EXT1: variants seen among roughly 807,000 people sequenced by gnomAD.
EXT1 encodes the protein exostosin glycosyltransferase 1.
In EXT1, 20 loss-of-function variants were observed where a neutral mutation model predicts 82.5. That is an observed-to-expected ratio of 0.24 (90% CI 0.17 to 0.35). EXT1 has a LOEUF of 0.35. EXT1 is among the 10% of genes least tolerant of loss of function. The probability of loss-of-function intolerance (pLI) is 1.00; values close to 1 mark genes in which losing one functional copy is unlikely to be tolerated. For synonymous variants in EXT1, 348 were observed against 350.8 expected, an observed-to-expected ratio of 0.99 and a Z score of 0.09; for missense variants, 757 against 936.5, an observed-to-expected ratio of 0.81 and a Z score of 2.50.
chr8:118,027,313 TCACACACACACACACA>T (rs71307421), intron 1 of EXT1, among the ~76,000 whole-genome samples: 39 of 145,520 alleles, frequency 2.7e-4, no homozygotes, highest in African/African-American at 5.8e-4. Context: ...TCAGTTTCTT[TCACACACACACACACA>T]CACACACACA....
chr8:117,852,368 G>A (rs1163971396), intron 1 of EXT1, among the ~76,000 whole-genome samples: 1 of 152,180 alleles, frequency 6.6e-6, no homozygotes, highest in South Asian at 2.1e-4. Context: ...TGGGGAGAGA[G>A]CTTTTATGTG....
intron 1 of EXT1, among the ~76,000 whole-genome samples, chr8:117,920,926 C>G (rs1813843073): frequency 6.6e-6 from 1 of 152,192 alleles, no homozygotes; most frequent in African/African-American, 2.4e-5. Context: ...GACTCCACCA[C>G]CAGCATGGAT....
At chr8:117,975,576 C>G (rs561400878) in intron 1 of EXT1, among the ~76,000 whole-genome samples, 1 of 152,188 alleles carries the variant, frequency 6.6e-6, no homozygotes, top group East Asian at 1.9e-4. Context: ...TTCTGATGCC[C>G]TCATTCATGC....
chr8:117,887,745 A>G (rs937017278), intron 1 of EXT1, among the ~76,000 whole-genome samples: 6 of 152,162 alleles, frequency 3.9e-5, no homozygotes, highest in Admixed American at 3.3e-4. Flanking sequence ...AAGGATTATT[A>G]TCAAGAAACT....
chr8:117,837,281 T>G (rs1306228879), intron 1 of EXT1, 80 bp from the exon 2 acceptor site: 4 of 1,185,934 alleles, frequency 3.4e-6, no homozygotes, highest in Admixed American at 3.4e-5. Context: ...GGCGCCCATG[T>G]GCATGAATTT....
intron 1 of EXT1, among the ~76,000 whole-genome samples, chr8:117,985,870 A>T (rs1815306348): frequency 6.6e-6 from 1 of 152,216 alleles, no homozygotes. Flanking sequence ...GTGACTCACA[A>T]ATCACTTTTC....
At chr8:117,982,312 C>A (rs1228819112) in intron 1 of EXT1, among the ~76,000 whole-genome samples, 9 of 152,180 alleles carry the variant, frequency 5.9e-5, no homozygotes, top group African/African-American at 1.7e-4. Context: ...AGGACACTTG[C>A]GTCCTTGCCT....
At chr8:118,033,098 T>C (rs986583472) in intron 1 of EXT1, among the ~76,000 whole-genome samples, 2 of 152,218 alleles carry the variant, frequency 1.3e-5, no homozygotes, top group Non-Finnish European at 2.9e-5. Context: ...GCTAAATATG[T>C]GCCCACTCCC....
intron 1 of EXT1, among the ~76,000 whole-genome samples, chr8:118,022,400 C>T (rs1422215403): frequency 7.8e-6 from 1 of 128,774 alleles, no homozygotes; most frequent in Non-Finnish European, 1.6e-5. Flanking sequence ...TGCAGTGGCA[C>T]GATCTCGGCT....
At chr8:118,071,812 AT>A (rs1226063751) in intron 1 of EXT1, among the ~76,000 whole-genome samples, 4 of 152,136 alleles carry the variant, frequency 2.6e-5, no homozygotes, top group Non-Finnish European at 5.9e-5. Flanking sequence ...TGATAATGAT[AT>A]TGTTATTTTT....
At chr8:117,820,853 G>A (rs964429592) in intron 5 of EXT1, among the ~76,000 whole-genome samples, 6 of 152,096 alleles carry the variant, frequency 3.9e-5, no homozygotes, top group East Asian at 1.9e-4. Context: ...TCTCTTCTTC[G>A]TGTAGCAGTG....
At chr8:117,928,188 G>C (rs1159175093) in intron 1 of EXT1, among the ~76,000 whole-genome samples, 1 of 152,122 alleles carries the variant, frequency 6.6e-6, no homozygotes, top group African/African-American at 2.4e-5. Flanking sequence ...AGGACATTTG[G>C]GTGACTCACC....
At chr8:117,867,089 T>C (rs1354732820) in intron 1 of EXT1, among the ~76,000 whole-genome samples, 2 of 151,982 alleles carry the variant, frequency 1.3e-5, no homozygotes, top group South Asian at 2.1e-4. Context: ...TGAAACCTCG[T>C]CTCTACTAAA....
intron 1 of EXT1, among the ~76,000 whole-genome samples, chr8:117,877,268 A>C (rs1812987308): frequency 1.3e-5 from 2 of 152,214 alleles, no homozygotes; most frequent in African/African-American, 2.4e-5. Flanking sequence ...ATGAGGAACC[A>C]GATGTAGGCT....
At chr8:118,082,687 G>A (rs1413053058) in intron 1 of EXT1, among the ~76,000 whole-genome samples, 6 of 152,144 alleles carry the variant, frequency 3.9e-5, no homozygotes, top group Non-Finnish European at 8.8e-5. Context: ...CAAACTTACA[G>A]GTAATGCAAC....
chr8:117,870,237 T>C lies in EXT1; in HGVS notation c.963-33036A>G, dbSNP rs561907892. On this transcript the variant is annotated intron_variant, in intron 1 of 10. Transcript: ENST00000378204. ...ATTAGATGTGATAATGACATATCTC[T>C]CAAATCTCATGGTAAAATTGGATGC... Among the ~76,000 whole-genome samples the C allele has an allele frequency of 2.0e-5, 3 of 152,332 alleles. No individual in the cohort carries two copies. The South Asian group carries it at 6.2e-4, about 32-fold the overall frequency.
intron 1 of EXT1, among the ~76,000 whole-genome samples, chr8:118,062,095 C>T (rs527446871): frequency 2.6e-5 from 4 of 152,308 alleles, no homozygotes; most frequent in Non-Finnish European, 1.5e-5. Context: ...GTGACATTCA[C>T]TCATTTCTAA....
chr8:117,820,549 C>G (rs1811905842), intron 5 of EXT1, among the ~76,000 whole-genome samples: 1 of 146,092 alleles, frequency 6.8e-6, no homozygotes, highest in Admixed American at 7.1e-5. Flanking sequence ...ATTAGCTGGG[C>G]ATGGTGGCAT....
At chr8:117,966,962 C>T (rs931323085) in intron 1 of EXT1, among the ~76,000 whole-genome samples, 1 of 152,146 alleles carries the variant, frequency 6.6e-6, no homozygotes, top group Non-Finnish European at 1.5e-5. Flanking sequence ...AATTACCATG[C>T]ACTATATTTT....
Sources: allele counts gnomAD v4.1 joint callset (sites outside exome capture counted in the v4.1 genomes callset), GRCh38; gene constraint gnomAD v4.1.1; transcripts MANE v1.5; gene names NCBI Gene and HGNC (gene_info 2026-07-23, HGNC 2026-07-21).